FGF13: variants seen among roughly 807,000 people sequenced by gnomAD.
FGF13 encodes fibroblast growth factor homologous factor 2.
In FGF13, 2 loss-of-function variants were observed where a neutral mutation model predicts 19.5. That is an observed-to-expected ratio of 0.10 (90% CI 0.04 to 0.32). The LOEUF is 0.32. Among genes scored for constraint, FGF13 ranks in the 10% least tolerant of loss-of-function variants. The pLI is 1.00. For synonymous variants in FGF13, 72 were observed against 76.9 expected, an observed-to-expected ratio of 0.94 and a Z score of 0.33; for missense variants, 113 against 192.7, an observed-to-expected ratio of 0.59 and a Z score of 2.45.
intron 3 of FGF13, among the ~76,000 whole-genome samples, chrX:138,795,435 C>A (rs1285578885): frequency 8.9e-6 from 1 of 112,035 alleles, no homozygotes; most frequent in African/African-American, 3.2e-5. Flanking sequence ...CAAGATCAAT[C>A]CAAATTGAAT....
intron 1 of FGF13, among the ~76,000 whole-genome samples, chrX:138,901,365 A>T (rs2091530949): frequency 9.0e-6 from 1 of 111,439 alleles, no homozygotes; most frequent in Non-Finnish European, 1.9e-5. Context: ...TCTGTCACAG[A>T]CCCTAAGCCC....
intron 1 of FGF13, among the ~76,000 whole-genome samples, chrX:138,984,588 A>AAGAAGAAGAAGAAGAAGGAGGAGGAGG (rs2091982501): frequency 8.7e-5 from 1 of 11,515 alleles, no homozygotes; most frequent in Non-Finnish European, 1.9e-4. Flanking sequence ...GAAGAAGAAG[A>AAGAAGAAGAAGAAGAAGGAGGAGGAGG]AGGAGGAGGA....
intron 1 of FGF13, among the ~76,000 whole-genome samples, chrX:139,199,446 G>C (rs1318105794): frequency 8.9e-6 from 1 of 112,149 alleles, no homozygotes; most frequent in Non-Finnish European, 1.9e-5. Context: ...AACACATTCT[G>C]GTTGTTCTAT....
chrX:139,005,931 G>A (rs2092099270), intron 1 of FGF13, among the ~76,000 whole-genome samples: 1 of 108,440 alleles, frequency 9.2e-6, no homozygotes, highest in Non-Finnish European at 1.9e-5. Flanking sequence ...CCTATAAGAT[G>A]TAGAAAATAG....
intron 1 of FGF13, among the ~76,000 whole-genome samples, chrX:139,172,429 C>A (rs1018749216): frequency 1.8e-5 from 2 of 111,370 alleles, no homozygotes; most frequent in African/African-American, 6.5e-5. Context: ...CATTGGCTTA[C>A]ACTTTCCATT....
chrX:139,099,224 T>C (rs1018813181), intron 1 of FGF13, among the ~76,000 whole-genome samples: 2 of 110,172 alleles, frequency 1.8e-5, no homozygotes, highest in Non-Finnish European at 3.8e-5. Context: ...TAGCCTCACA[T>C]AGAATAAAAG....
intron 1 of FGF13, among the ~76,000 whole-genome samples, chrX:138,961,396 C>T (rs2091869208): frequency 1.8e-5 from 2 of 111,096 alleles, no homozygotes; most frequent in Middle Eastern, 4.6e-3. Flanking sequence ...AGCTTTGTCT[C>T]TGAGGGGCAC....
chrX:138,968,366 G>A (rs1018975895), intron 1 of FGF13, among the ~76,000 whole-genome samples: 2 of 112,087 alleles, frequency 1.8e-5, no homozygotes, highest in Non-Finnish European at 3.8e-5. Context: ...TACAAAACTA[G>A]TTATACCTTT....
intron 1 of FGF13, among the ~76,000 whole-genome samples, chrX:138,896,717 C>T (rs2091506088): frequency 9.0e-6 from 1 of 111,671 alleles, no homozygotes. Flanking sequence ...CATCAGTGTC[C>T]TTGTTTGTTA....
intron 1 of FGF13, among the ~76,000 whole-genome samples, chrX:138,881,645 TG>T (rs1372704417): frequency 5.3e-4 from 59 of 112,105 alleles, no homozygotes; most frequent in African/African-American, 1.8e-3. Flanking sequence ...GCAGATTGTG[TG>T]TTTCTAAAAG....
chrX:139,022,788 G>T (rs1364113101), intron 1 of FGF13, among the ~76,000 whole-genome samples: 1 of 111,176 alleles, frequency 9.0e-6, no homozygotes, highest in Non-Finnish European at 1.9e-5. Context: ...ACAGTATGAG[G>T]TTCTCCAAAA....
At chrX:138,899,161 T>G (rs965664622) in intron 1 of FGF13, among the ~76,000 whole-genome samples, 8 of 111,538 alleles carry the variant, frequency 7.2e-5, no homozygotes, top group African/African-American at 2.6e-4. Context: ...GGCTTGCATA[T>G]TGGAAAGACT....
At chrX:139,098,924 T>C (rs1057384586) in intron 1 of FGF13, among the ~76,000 whole-genome samples, 1 of 110,833 alleles carries the variant, frequency 9.0e-6, no homozygotes, top group Admixed American at 9.6e-5. Flanking sequence ...TAAACAAAAA[T>C]AAGGCAAGAC....
intron 1 of FGF13, among the ~76,000 whole-genome samples, chrX:138,945,569 CAG>C (rs758630159): frequency 1.5e-4 from 17 of 111,752 alleles, no homozygotes; most frequent in Non-Finnish European, 3.0e-4. Context: ...GGGTTGCCAA[CAG>C]AACGAATTAA....
intron 3 of FGF13, among the ~76,000 whole-genome samples, chrX:138,684,035 A>G (rs1185757302): frequency 9.0e-6 from 1 of 111,665 alleles, no homozygotes; most frequent in Non-Finnish European, 1.9e-5. Flanking sequence ...TATCCCATCT[A>G]TTTCAAATAT....
chrX:138,826,933 G>A (rs1200593454), intron 3 of FGF13, among the ~76,000 whole-genome samples: 1 of 112,223 alleles, frequency 8.9e-6, no homozygotes, highest in Non-Finnish European at 1.9e-5. Flanking sequence ...GTATATTAAA[G>A]CACAGTAAAC....
intron 1 of FGF13, among the ~76,000 whole-genome samples, chrX:139,121,061 G>A (rs1243709471): frequency 8.9e-6 from 1 of 112,214 alleles, no homozygotes; most frequent in Non-Finnish European, 1.9e-5. Context: ...AGTGGTATGG[G>A]GAGAAGCCTA....
chrX:139,008,610 ACAGTT>A (rs1569441087), intron 1 of FGF13, among the ~76,000 whole-genome samples: 1 of 111,864 alleles, frequency 8.9e-6, no homozygotes, highest in Admixed American at 9.4e-5. Flanking sequence ...AACAATCACT[ACAGTT>A]CAGCTCTCAG....
intron 1 of FGF13, among the ~76,000 whole-genome samples, chrX:139,145,498 T>C (rs930744285): frequency 1.8e-5 from 2 of 110,896 alleles, no homozygotes; most frequent in Non-Finnish European, 3.8e-5. Context: ...TCAAAAATGC[T>C]GTTCATCATG....
Sources: gnomAD v4.1 joint callset for allele counts (sites outside exome capture counted in the v4.1 genomes callset) on GRCh38, gnomAD v4.1.1 for gene constraint, MANE v1.5 for transcripts, NCBI Gene and HGNC (gene_info 2026-07-23, HGNC 2026-07-21) for gene names.